ADAMTS16: variants seen among roughly 807,000 people sequenced by gnomAD.
ADAMTS16 encodes A disintegrin and metalloproteinase with thrombospondin motifs 16.
ADAMTS16 carries 94 observed loss-of-function variants against 145.8 expected under a neutral mutation model. The observed-to-expected ratio is 0.64, with a 90% CI of 0.55 to 0.77. ADAMTS16 has a LOEUF of 0.77. Ranked by LOEUF, ADAMTS16 falls within the 30% of genes least tolerant of loss-of-function variation. The probability of loss-of-function intolerance (pLI) is 0.00; values close to 1 mark genes in which losing one functional copy is unlikely to be tolerated. For synonymous variants in ADAMTS16, 659 were observed against 604.3 expected, an observed-to-expected ratio of 1.09 and a Z score of -1.33; for missense variants, 1,585 against 1,591.5, an observed-to-expected ratio of 1.00 and a Z score of 0.07.
Position 5,315,590 on chromosome 5 carries a change from G to A in ADAMTS16, c.3412-2544G>A, listed in dbSNP as rs577188286. ...AGATGTTGTGGACACTGATGGATGC[G>A]GATGTGGCCAAAGGGTTCCTGTGAG... On this transcript the variant is annotated intron_variant, in intron 21 of 22. Coordinates refer to ENST00000274181, the MANE Select transcript of ADAMTS16 (RefSeq NM_139056.4). 4.6e-5 allele frequency among the ~76,000 whole-genome samples: 7 copies of A among 152,250 alleles called. No homozygotes were observed. In the South Asian group the frequency reaches 1.2e-3, roughly 27 times the overall value.
chr5:5,239,475 G>A (rs754387136), intron 15 of ADAMTS16, among the ~76,000 whole-genome samples: 1 of 152,134 alleles, frequency 6.6e-6, no homozygotes, highest in Non-Finnish European at 1.5e-5. Flanking sequence ...ATTGTTCTTA[G>A]GAAAAGTGAC....
At chr5:5,163,876 C>T (rs567900594) in intron 3 of ADAMTS16, among the ~76,000 whole-genome samples, 6 of 152,292 alleles carry the variant, frequency 3.9e-5, no homozygotes, top group Middle Eastern at 3.4e-3. Context: ...ATGTCCTGCT[C>T]CCTGACTGCA....
In ADAMTS16 at chr5:5,318,240, T is replaced by A; in HGVS notation, c.3518T>A (p.Leu1173Gln). The change falls in exon 22 of 23, where the codon CTG becomes CAG. Residue 1173 changes from leucine (L) to glutamine (Q), a missense_variant. Physicochemically the swap from Leu to Gln is moderately radical, Grantham distance 113. Transcript: ENST00000274181. ...CLLHQKPSAS[L>Q]ACNTHFCPIA... ...CTGCACCAGAAGCCTTCGGCCTCCC[T>A]GGCCTGCAACACTCACTTCTGCCCC... The A allele has an allele frequency of 6.4e-7, 1 of 1,562,144 alleles. No homozygotes were observed. The highest frequency in any genetic ancestry group is 8.7e-7 in the Non-Finnish European group (1 of 1,149,248).
rs955711712 is a variant in ADAMTS16, at chr5:5,319,724, A to G, written c.*586A>G. ...GGAACCTGGAGCCACCGCCGGAGCC[A>G]GCGTCATCTCTAGGGTCACTGGCCA... On this transcript the variant is annotated 3_prime_UTR_variant, in exon 23 of 23. Transcript: ENST00000274181. 2 of 367,558 alleles carry G rather than the reference A, an allele frequency of 5.4e-6. No homozygotes were observed. The highest frequency in any genetic ancestry group is 1.1e-5 in the Non-Finnish European group (2 of 188,982). 22.8% of individuals were successfully genotyped at this position (367,558 alleles called of 1,614,324 possible).
rs188189451 is a variant in ADAMTS16 at position 5,239,026 on chromosome 5, A to G, written c.2155-125A>G. 111 of 1,066,574 alleles carry G rather than the reference A, an allele frequency of 1.0e-4. No individual in the cohort carries two copies. The East Asian group carries it at 1.2e-3, about 12-fold the overall frequency. The allele number at this position is 1,066,574 out of a possible 1,614,324, so 66.1% of individuals were successfully genotyped here. A position where few individuals can be genotyped will look rare whatever the true frequency, so the allele number is the denominator to read the frequency against. Reference sequence around the variant, plus strand: ...ATTAGGTATCCAATAAATATTTGTTAACTACCCTATGTTGGTGAAATTTTC... The same window carrying G: ...ATTAGGTATCCAATAAATATTTGTTGACTACCCTATGTTGGTGAAATTTTC... On this transcript the variant is annotated intron_variant, in intron 14 of 22. Transcript: ENST00000274181.
intron 17 of ADAMTS16, among the ~76,000 whole-genome samples, chr5:5,262,425 A>C (rs910125615): frequency 2.6e-5 from 4 of 152,246 alleles, no homozygotes; most frequent in Non-Finnish European, 5.9e-5. Flanking sequence ...ATGTTAATAT[A>C]AAAATATGGA....
intron 22 of ADAMTS16, 115 bp downstream of exon 22, chr5:5,318,396 C>G: frequency 2.8e-6 from 3 of 1,059,522 alleles, no homozygotes; most frequent in Non-Finnish European, 3.7e-6. Context: ...TACCTTTTCT[C>G]TCTTTGCATC....
At chr5:5,163,669 A>G (rs931443431) in intron 3 of ADAMTS16, among the ~76,000 whole-genome samples, 3 of 152,224 alleles carry the variant, frequency 2.0e-5, no homozygotes, top group Admixed American at 2.0e-4. Flanking sequence ...AGTGAACTTA[A>G]TGGATGGTTG....
At chr5:5,209,333 T>C in intron 10 of ADAMTS16, 87 bp downstream of exon 10, 1 of 1,482,420 alleles carries the variant, frequency 6.7e-7, no homozygotes. Flanking sequence ...ATTCTGCATT[T>C]ATTGGGTACC....
intron 16 of ADAMTS16, 132 bp from the exon 17 acceptor site, chr5:5,241,921 C>A: frequency 9.2e-7 from 1 of 1,086,624 alleles, no homozygotes; most frequent in Non-Finnish European, 1.3e-6. Flanking sequence ...GGATGATAGT[C>A]TGAATGTATT....
chr5:5,319,501 C>T lies in ADAMTS16; in HGVS notation c.*363C>T, dbSNP rs1734197838. 1 of 296,824 alleles carries T rather than the reference C, an allele frequency of 3.4e-6. No individual in the cohort carries two copies. The highest frequency in any genetic ancestry group is 2.2e-5 in the African/African-American group (1 of 45,034). The allele number at this position is 296,824 out of a possible 1,614,324, so 18.4% of individuals were successfully genotyped here. A position where few individuals can be genotyped will look rare whatever the true frequency, so the allele number is the denominator to read the frequency against. On this transcript the variant is annotated 3_prime_UTR_variant, in exon 23 of 23. Transcript: ENST00000274181. ...GCTGAACTTGCTAAATGTCTGGTGC[C>T]TTAGAAAAAGAAGGAAAGGCCATGA...
chr5:5,213,896 G>A (rs1052914232), intron 10 of ADAMTS16, among the ~76,000 whole-genome samples: 7 of 152,302 alleles, frequency 4.6e-5, no homozygotes, highest in Admixed American at 2.6e-4. Context: ...AGGACCTGCA[G>A]CAAAACCTAA....
At position 5,303,632 on chromosome 5, in the gene ADAMTS16, C is replaced by G; in HGVS notation, c.3052C>G (p.Pro1018Ala). The change falls in exon 20 of 23, where the codon CCC becomes GCC. Residue 1018 changes from proline (P) to alanine (A), a missense_variant. This residue lies in a region of ADAMTS16 where 834 missense variants were observed against 811.7 expected (regional missense o/e 1.03). Transcript: ENST00000274181. Reference protein sequence around the residue: ...KRAVACKSTNPSARAQLLPDA... With the variant: ...KRAVACKSTNASARAQLLPDA... The stretch of plus-strand genomic sequence containing the variant: ...GGCAGTGGCCTGTAAGAGCACCAAC[C>G]CCTCGGCCAGAGCGCAGCTGCTGCC... 1 of 1,614,130 alleles carries G rather than the reference C, an allele frequency of 6.2e-7. No homozygotes were observed. Among genetic ancestry groups the G allele is most frequent in the Non-Finnish European group, 8.5e-7 (1 of 1,180,030 alleles).
intron 9 of ADAMTS16, among the ~76,000 whole-genome samples, chr5:5,208,246 G>A (rs1187667690): frequency 6.6e-6 from 1 of 152,124 alleles, no homozygotes. Flanking sequence ...AGTCAAGGTG[G>A]ACAACCACTC....
intron 17 of ADAMTS16, among the ~76,000 whole-genome samples, chr5:5,262,445 T>C (rs1313473051): frequency 6.6e-6 from 1 of 152,238 alleles, no homozygotes; most frequent in Non-Finnish European, 1.5e-5. Context: ...AGGGAAAATA[T>C]GTGCATCTTA....
intron 4 of ADAMTS16, among the ~76,000 whole-genome samples, chr5:5,184,021 C>G (rs1212385736): frequency 6.6e-6 from 1 of 152,194 alleles, no homozygotes; most frequent in African/African-American, 2.4e-5. Context: ...TTTCCGTCCC[C>G]CCTGGGGTAT....
Position 5,319,373 on chromosome 5 carries a change from A to T in ADAMTS16, c.*235A>T, listed in dbSNP as rs1278469099. On this transcript the variant is annotated 3_prime_UTR_variant, in exon 23 of 23. Transcript: ENST00000274181. ...TCAGGCTGAAATGTGGCACCCTGGC[A>T]GACAGAGCTGTGGCTCGTGAGGCAG... The T allele has an allele frequency of 1.9e-6, 1 of 522,878 alleles. No homozygotes were observed. Among genetic ancestry groups the T allele is most frequent in the Non-Finnish European group, 3.5e-6 (1 of 289,770 alleles). 32.4% of individuals were successfully genotyped at this position (522,878 alleles called of 1,614,324 possible).
intron 17 of ADAMTS16, 88 bp downstream of exon 17, chr5:5,242,279 G>A (rs1737316899): frequency 1.3e-6 from 2 of 1,517,776 alleles, no homozygotes; most frequent in African/African-American, 1.4e-5. Context: ...GAATCCTAAT[G>A]AGCAGCCCGG....
At chr5:5,305,970 G>A (rs1383014552) in intron 20 of ADAMTS16, among the ~76,000 whole-genome samples, 1 of 152,220 alleles carries the variant, frequency 6.6e-6, no homozygotes, top group Non-Finnish European at 1.5e-5. Context: ...TCTGCAACTG[G>A]AGCAGCTCAA....
Sources: allele counts gnomAD v4.1 joint callset (sites outside exome capture counted in the v4.1 genomes callset), GRCh38; gene constraint gnomAD v4.1.1; regional missense constraint gnomAD v4.1.1; transcripts MANE v1.5; gene names NCBI Gene and HGNC (gene_info 2026-07-23, HGNC 2026-07-21).